Variants in FANCA observed in about 807,000 individuals in gnomAD.
FANCA encodes the protein FA complementation group A.
Under a neutral mutation model 194.3 loss-of-function variants are expected in FANCA, and 236 were observed. That is an observed-to-expected ratio of 1.21 (90% CI 1.09 to 1.35). FANCA has a LOEUF of 1.35. Ranked by LOEUF, FANCA falls within the 40% of genes most tolerant of loss-of-function variation. FANCA has a pLI of 0.00. For synonymous variants in FANCA, 1,014 were observed against 715.8 expected (o/e 1.42, Z -6.65); for missense variants, 2,628 against 1,813.9 (o/e 1.45, Z -8.15).
In FANCA at chr16:89,758,669, A is replaced by G. The variant is rs2038843382; in HGVS notation, c.2889T>C (p.Phe963=). ...DFHQWAIHEH[F]LPESSASGGC... is the part of the protein sequence containing the mutation. ...CCCCTGAAGCCGAGGACTCAGGGAG[A>G]AAGTGCTCATGGATCGCCCACTGGT... Residue 963 remains phenylalanine, a synonymous_variant, in exon 30 of 43, where the codon TTT becomes TTC. Transcript: ENST00000389301. 1.2e-6 allele frequency: 2 copies of G among 1,613,882 alleles called. No individual in the cohort carries two copies. Among genetic ancestry groups the G allele is most frequent in the Non-Finnish European group, 1.7e-6 (2 of 1,179,912 alleles).
Position 89,738,190 on chromosome 16 carries a change from C to T in FANCA, c.*411G>A. 3.7e-6 allele frequency: 6 copies of T among 1,611,450 alleles called. No homozygotes were observed. Among genetic ancestry groups the T allele is most frequent in the Non-Finnish European group, 5.1e-6 (6 of 1,179,258 alleles). ...CCTGGAGGCGGAACCACCACCTGGG[C>T]CACCGAGCCCCTCTGTGACCACAGA... On this transcript the variant is annotated 3_prime_UTR_variant, in exon 43 of 43. Transcript: ENST00000389301.
At chr16:89,779,823 T>G (rs1451579106) in intron 18 of FANCA, 46 bp downstream of exon 18, 1 of 1,537,258 alleles carries the variant, frequency 6.5e-7, no homozygotes. Flanking sequence ...GAGCGCGGTC[T>G]GCACACACTG....
rs527383943 is a variant in FANCA at position 89,785,593 on chromosome 16, T to G, written c.1360-629A>C. 4.4e-4 allele frequency among the ~76,000 whole-genome samples: 67 copies of G among 152,240 alleles called. 3 individuals are homozygous for G. Among genetic ancestry groups the G allele is most frequent in the Non-Finnish European group, 1.5e-4 (10 of 68,006 alleles). On this transcript the variant is annotated intron_variant, in intron 14 of 42. Coordinates refer to ENST00000389301, the MANE Select transcript of FANCA (RefSeq NM_000135.4). ...GGGGCTGCAGCAAAGTCCTGGGGGC[T>G]GCAGTGAGTCAGGGAAGGAAGGAGA...
At chr16:89,798,662 G>A (rs547575918) in intron 10 of FANCA, 40 of 1,244,856 alleles carry the variant, frequency 3.2e-5, no homozygotes, top group South Asian at 1.8e-4. Flanking sequence ...AAGGGTCTCC[G>A]CACATCTCCA....
At chr16:89,810,191 C>T (rs891421400) in intron 5 of FANCA, among the ~76,000 whole-genome samples, 4 of 151,572 alleles carry the variant, frequency 2.6e-5, no homozygotes, top group East Asian at 3.9e-4. Context: ...GGCGTGGTGG[C>T]AGTCACCTGT....
chr16:89,742,676 A>AAAAAAAAGT (rs2062165616), intron 37 of FANCA, 124 bp downstream of exon 37: 1 of 755,788 alleles, frequency 1.3e-6, no homozygotes, highest in Admixed American at 2.9e-5. Context: ...AAAAAAAAAA[A>AAAAAAAAGT]GTCTTGCTCC....
chr16:89,745,778 A>C lies in FANCA; in HGVS notation c.3514-707T>G, dbSNP rs569376965. ...GCCCTGAGCTGGGAACGAAACAGTGAAGGGACCACACTCCTCTGAGCTGGG... is the reference window on the plus strand; with the variant it reads ...GCCCTGAGCTGGGAACGAAACAGTGCAGGGACCACACTCCTCTGAGCTGGG... On this transcript the variant is annotated intron_variant, in intron 35 of 42. Transcript: ENST00000389301. Among the ~76,000 whole-genome samples, 10 of 150,652 alleles carry C rather than the reference A, an allele frequency of 6.6e-5. No individual in the cohort carries two copies. In the South Asian group the frequency reaches 2.1e-3, roughly 32 times the overall value.
chr16:89,760,021 C>T (rs2038899746), intron 29 of FANCA, among the ~76,000 whole-genome samples: 1 of 152,230 alleles, frequency 6.6e-6, no homozygotes, highest in Admixed American at 6.5e-5. Context: ...CTGTCCGGAA[C>T]TGGGGTGCTC....
intron 10 of FANCA, 142 bp from the exon 11 acceptor site, chr16:89,796,160 G>C: frequency 1.4e-6 from 1 of 709,468 alleles, no homozygotes; most frequent in Non-Finnish European, 2.5e-6. Flanking sequence ...TATAACCACA[G>C]ACTTGAAACT....
rs74033884 is a variant in FANCA, at chr16:89,814,188, G to C, written c.283+332C>G. 5.7e-3 allele frequency among the ~76,000 whole-genome samples: 863 copies of C among 152,254 alleles called. 6 individuals carry two copies. Among genetic ancestry groups the C allele is most frequent in the African/African-American group, 0.02 (833 of 41,544 alleles). Reference sequence around the variant, plus strand: ...GAGGTACCTAGAAAATTGTTCTCCCGTCTGCTCTCCTGGGCACACCACAGC... The same window carrying C: ...GAGGTACCTAGAAAATTGTTCTCCCCTCTGCTCTCCTGGGCACACCACAGC... On this transcript the variant is annotated intron_variant, in intron 3 of 42. Transcript: ENST00000389301.
At chr16:89,791,251 A>C in intron 14 of FANCA, 152 bp downstream of exon 14, 3 of 1,006,944 alleles carry the variant, frequency 3.0e-6, no homozygotes, top group Non-Finnish European at 4.5e-6. Flanking sequence ...TCCTCGGCAC[A>C]CGCAGAGGAA....
Position 89,773,255 on chromosome 16 carries a change from T to C in FANCA, c.2014+16A>G. 6.5e-7 allele frequency: 1 copy of C among 1,534,020 alleles called. No individual in the cohort carries two copies. The highest frequency in any genetic ancestry group is 8.8e-7 in the Non-Finnish European group (1 of 1,132,502). On this transcript the variant is annotated intron_variant, in intron 22 of 42. Coordinates refer to ENST00000389301, the MANE Select transcript of FANCA (RefSeq NM_000135.4). ...TGCACACATGAGACACAGCATGAGC[T>C]CCCATCCATCCTCACCATCACGCTG...
chr16:89,762,780 A>T (rs1166787485), intron 28 of FANCA: 1 of 452,380 alleles, frequency 2.2e-6, no homozygotes, highest in Admixed American at 2.4e-5. Flanking sequence ...GCAGGTGCAC[A>T]TCACCATGAC....
At chr16:89,752,496 G>A (rs1434329215) in intron 30 of FANCA, among the ~76,000 whole-genome samples, 4 of 152,208 alleles carry the variant, frequency 2.6e-5, no homozygotes, top group Admixed American at 6.5e-5. Flanking sequence ...AGAGACAGAG[G>A]ACACGAGCTG....
intron 28 of FANCA, 76 bp from the exon 29 acceptor site, chr16:89,762,098 G>T: frequency 2.5e-6 from 3 of 1,194,762 alleles, no homozygotes; most frequent in Non-Finnish European, 3.8e-6. Flanking sequence ...AAACCAGTTT[G>T]TCATTTCATC....
chr16:89,760,274 C>T (rs144772412), intron 29 of FANCA, among the ~76,000 whole-genome samples: 70 of 152,322 alleles, frequency 4.6e-4, no homozygotes, highest in Non-Finnish European at 7.6e-4. Flanking sequence ...GGGCTTGGCA[C>T]GACCTGAACC....
chr16:89,782,933 C>A lies in FANCA; in HGVS notation c.1567-15G>T, dbSNP rs748616829. On this transcript the variant is annotated splice_polypyrimidine_tract_variant and intron_variant, in intron 16 of 42. Coordinates refer to ENST00000389301, the MANE Select transcript of FANCA (RefSeq NM_000135.4). ...TCTATAGAAACCTTCAGGGAAGACA[C>A]AGAATGAGAACAAGAAAACAAAGCA... 1.9e-6 allele frequency: 3 copies of A among 1,613,712 alleles called. No individual in the cohort carries two copies. The highest frequency in any genetic ancestry group is 2.2e-5 in the South Asian group (2 of 91,078).
chr16:89,760,860 A>C (rs1365228755), intron 29 of FANCA, among the ~76,000 whole-genome samples: 1 of 151,954 alleles, frequency 6.6e-6, no homozygotes, highest in East Asian at 1.9e-4. Context: ...TCCTACCTTT[A>C]ATCCACTTCT....
intron 3 of FANCA, among the ~76,000 whole-genome samples, chr16:89,813,806 CTGTG>C (rs71137678): frequency 5.8e-4 from 87 of 149,542 alleles, no homozygotes; most frequent in Middle Eastern, 6.9e-3. Flanking sequence ...AAGTCTTTTA[CTGTG>C]TGTGTGTGTG....
Sources: allele counts gnomAD v4.1 joint callset (sites outside exome capture counted in the v4.1 genomes callset), GRCh38; gene constraint gnomAD v4.1.1; transcripts MANE v1.5; gene names NCBI Gene and HGNC (gene_info 2026-07-23, HGNC 2026-07-21).